Variants in LEMD3 observed in about 807,000 individuals in gnomAD.
The protein encoded by LEMD3 is inner nuclear membrane protein Man1.
LEMD3 carries 33 observed loss-of-function variants against 95.2 expected under a neutral mutation model. The observed-to-expected ratio is 0.35, with a 90% CI of 0.26 to 0.46. LEMD3 has a LOEUF of 0.46. Ranked by LOEUF, LEMD3 falls within the 20% of genes least tolerant of loss-of-function variation. The pLI is 1.00. For synonymous variants in LEMD3, 525 were observed against 474.6 expected (o/e 1.11, Z -1.38); for missense variants, 1,210 against 1,192.8 (o/e 1.01, Z -0.21).
At chr12:65,185,335 GC>G (rs950974704) in intron 1 of LEMD3, among the ~76,000 whole-genome samples, 1 of 152,060 alleles carries the variant, frequency 6.6e-6, no homozygotes, top group African/African-American at 2.4e-5. Flanking sequence ...TAGCTGGATT[GC>G]CTACAATTCT....
intron 4 of LEMD3, among the ~76,000 whole-genome samples, chr12:65,220,316 G>A (rs1263221784): frequency 1.3e-5 from 2 of 152,006 alleles, no homozygotes; most frequent in African/African-American, 2.4e-5. Flanking sequence ...TGTATATATA[G>A]CATGTATACA....
intron 1 of LEMD3, among the ~76,000 whole-genome samples, chr12:65,180,177 C>T (rs912220655): frequency 1.3e-5 from 2 of 151,948 alleles, no homozygotes; most frequent in Non-Finnish European, 2.9e-5. Flanking sequence ...AACTCCTGAC[C>T]TCAGGTAATC....
chr12:65,240,900 A>C lies in LEMD3; in HGVS notation c.2127-9A>C. On this transcript the variant is annotated splice_polypyrimidine_tract_variant and intron_variant, in intron 8 of 12. Coordinates refer to ENST00000308330, the MANE Select transcript of LEMD3 (RefSeq NM_014319.5). ...TGATAGTAAATTTGCCATTTTGTTCACATGATAGGAAAAAAATGAAGAAAG... is the reference window on the plus strand; with the variant it reads ...TGATAGTAAATTTGCCATTTTGTTCCCATGATAGGAAAAAAATGAAGAAAG... 6 of 1,613,494 alleles carry C rather than the reference A, an allele frequency of 3.7e-6. No individual in the cohort carries two copies. The highest frequency in any genetic ancestry group is 5.1e-6 in the Non-Finnish European group (6 of 1,179,450).
At chr12:65,218,783 CTT>C (rs10676847) in intron 4 of LEMD3, among the ~76,000 whole-genome samples, 164 bp downstream of exon 4, 8 of 123,058 alleles carry the variant, frequency 6.5e-5, no homozygotes, top group Admixed American at 1.7e-4. Context: ...AATTGTTCAA[CTT>C]TTTTTTTTTT....
At chr12:65,221,593 T>G (rs1052880714) in intron 4 of LEMD3, among the ~76,000 whole-genome samples, 4 of 152,116 alleles carry the variant, frequency 2.6e-5, no homozygotes, top group Non-Finnish European at 5.9e-5. Flanking sequence ...CTAAGAGAGA[T>G]AAATTTACTT....
chr12:65,232,644 CGTT>C (rs1262173334), intron 4 of LEMD3, among the ~76,000 whole-genome samples: 12 of 152,052 alleles, frequency 7.9e-5, no homozygotes, highest in Admixed American at 2.6e-4. Context: ...TTAAAAAACT[CGTT>C]GTTTTTGATA....
chr12:65,244,278 CACACACA>C (rs1240877529), intron 10 of LEMD3, among the ~76,000 whole-genome samples: 2 of 140,782 alleles, frequency 1.4e-5, no homozygotes, highest in African/African-American at 5.9e-5. Context: ...CACACACACA[CACACACA>C]CCCCCCCCAC....
intron 1 of LEMD3, among the ~76,000 whole-genome samples, chr12:65,199,720 G>T (rs979931606): frequency 1.8e-4 from 27 of 152,126 alleles, no homozygotes; most frequent in African/African-American, 6.5e-4. Flanking sequence ...GAATAAAGCT[G>T]CTGTAAACAT....
At chr12:65,218,118 A>T (rs919990401) in intron 3 of LEMD3, among the ~76,000 whole-genome samples, 1 of 152,182 alleles carries the variant, frequency 6.6e-6, no homozygotes, top group African/African-American at 2.4e-5. Context: ...TTAAGAATAG[A>T]TGTGTAAGTT....
At chr12:65,195,306 C>T (rs1293291070) in intron 1 of LEMD3, among the ~76,000 whole-genome samples, 2 of 151,756 alleles carry the variant, frequency 1.3e-5, no homozygotes, top group East Asian at 1.9e-4. Flanking sequence ...AACACATGTA[C>T]GTAAATATAT....
chr12:65,215,908 TGATTAAGAATTATTTGG>T (rs1870093624), intron 2 of LEMD3, 52 bp from the exon 3 acceptor site: 8 of 627,368 alleles, frequency 1.3e-5, no homozygotes, highest in South Asian at 2.2e-5. Flanking sequence ...TTTTTTTTTT[TGATTAAGAATTATTTGG>T]TGTTTTTTTT....
At chr12:65,191,985 A>C (rs984495106) in intron 1 of LEMD3, among the ~76,000 whole-genome samples, 1 of 151,976 alleles carries the variant, frequency 6.6e-6, no homozygotes, top group Admixed American at 6.6e-5. Context: ...AAAGTTTGTC[A>C]AAAATATCAG....
chr12:65,192,524 A>T (rs912507450), intron 1 of LEMD3, among the ~76,000 whole-genome samples: 4 of 152,084 alleles, frequency 2.6e-5, no homozygotes, highest in Non-Finnish European at 4.4e-5. Context: ...CACATCTTTT[A>T]TACCTTAATA....
chr12:65,191,810 G>A (rs1214263679), intron 1 of LEMD3, among the ~76,000 whole-genome samples: 1 of 151,184 alleles, frequency 6.6e-6, no homozygotes, highest in Non-Finnish European at 1.5e-5. Context: ...CTGTGGTCCC[G>A]GTTACTCAGA....
Position 65,218,612 on chromosome 12 carries a change from A to G in LEMD3, c.1688A>G (p.Tyr563Cys), listed in dbSNP as rs375964932. The change falls in exon 4 of 13, where the codon TAT becomes TGT. Residue 563 changes from tyrosine (Y) to cysteine (C), a missense_variant. By Grantham distance (194) the Tyr-to-Cys change is radical. This residue lies in a region of LEMD3 where 461 missense variants were observed against 569.8 expected (regional missense o/e 0.81). Coordinates refer to ENST00000308330, the MANE Select transcript of LEMD3 (RefSeq NM_014319.5). Reference sequence around the variant, plus strand: ...CTTTCTGTTCAAGAGGCAGCTGCGTATTTAAAAGTAAGCAATGAAATTAGA... The same window carrying G: ...CTTTCTGTTCAAGAGGCAGCTGCGTGTTTAAAAGTAAGCAATGAAATTAGA... ...RTLSVQEAAA[Y>C]LKDLGPEYEG... 6.3e-7 allele frequency: 1 copy of G among 1,594,416 alleles called. No individual in the cohort carries two copies. The highest frequency in any genetic ancestry group is 8.6e-7 in the Non-Finnish European group (1 of 1,166,268).
rs1592423587 is a variant in LEMD3, at chr12:65,169,607, C to T, written c.11C>T (p.Ala4Val). Residue 4 changes from alanine to valine, a missense_variant, in exon 1 of 13, where the codon GCA becomes GTA. Around this residue, in one of 2 missense-constraint regions of LEMD3, gnomAD observed 749 missense variants for 622.9 expected, o/e 1.20. Coordinates refer to ENST00000308330, the MANE Select transcript of LEMD3 (RefSeq NM_014319.5). MAA[A>V]AASAPQQLSD... is the part of the protein sequence containing the mutation. ...CACCCTGGAGAGAAAATGGCGGCGG[C>T]AGCAGCTTCGGCGCCTCAGCAGCTC... The T allele has an allele frequency of 1.9e-6, 3 of 1,587,624 alleles. No individual in the cohort carries two copies. Among genetic ancestry groups the T allele is most frequent in the African/African-American group, 1.3e-5 (1 of 74,656 alleles).
At position 65,169,632 on chromosome 12, in the gene LEMD3, C is replaced by G; in HGVS notation, c.36C>G (p.Leu12=). 1.3e-6 allele frequency: 2 copies of G among 1,590,048 alleles called. No homozygotes were observed. Among genetic ancestry groups the G allele is most frequent in the South Asian group, 1.1e-5 (1 of 87,904 alleles). The change falls in exon 1 of 13, where the codon CTC becomes CTG. Residue 12 remains leucine, a synonymous_variant. Transcript: ENST00000308330. ...AAAAASAPQQ[L]SDEELFSQLR... ...CAGCAGCTTCGGCGCCTCAGCAGCT[C>G]TCGGATGAGGAGCTTTTCTCTCAGC...
intron 3 of LEMD3, among the ~76,000 whole-genome samples, chr12:65,217,526 T>C (rs965807268): frequency 5.3e-5 from 8 of 152,208 alleles, no homozygotes; most frequent in African/African-American, 1.9e-4. Flanking sequence ...TTAGAAACAT[T>C]TGGCAAGGAT....
rs1467049645 is a variant in LEMD3 at position 65,169,769 on chromosome 12, G to C, written c.173G>C (p.Gly58Ala). Residue 58 changes from glycine to alanine, a missense_variant, in exon 1 of 13, where the codon GGC (glycine) becomes GCC (alanine). Physicochemically the swap from Gly to Ala is moderately conservative, Grantham distance 60 (BLOSUM62 0). This residue lies in a region of LEMD3 where 749 missense variants were observed against 622.9 expected (regional missense o/e 1.20). Transcript: ENST00000308330. ...EEEQQQHRSG[G>A]RGNKTRNSNN... ...GAGCAGCAACAGCACCGGTCAGGGG[G>C]CCGCGGCAACAAGACGCGGAACAGT... 8.2e-6 allele frequency: 13 copies of C among 1,583,906 alleles called. No individual in the cohort carries two copies. The highest frequency in any genetic ancestry group is 1.1e-5 in the Non-Finnish European group (13 of 1,164,418).
Sources: gnomAD v4.1 joint callset for allele counts (sites outside exome capture counted in the v4.1 genomes callset) on GRCh38, gnomAD v4.1.1 for gene constraint, gnomAD v4.1.1 regional missense constraint, MANE v1.5 for transcripts, NCBI Gene and HGNC (gene_info 2026-07-23, HGNC 2026-07-21) for gene names.